The following ZNF398 variants were observed in gnomAD, a reference collection of about 807,000 sequenced individuals.
The protein encoded by ZNF398 is zinc finger DNA binding protein ZER6.
A neutral mutation model predicts 41.9 loss-of-function variants in ZNF398; 18 were observed. That is an observed-to-expected ratio of 0.43 (90% CI 0.30 to 0.64). The LOEUF is 0.64. Among genes scored for constraint, ZNF398 ranks in the 30% least tolerant of loss-of-function variants. ZNF398 has a pLI of 0.14. For synonymous variants in ZNF398, 260 were observed against 308.8 expected, an observed-to-expected ratio of 0.84 and a Z score of 1.66; for missense variants, 669 against 822.8, an observed-to-expected ratio of 0.81 and a Z score of 2.29.
At chr7:149,173,091 C>CTTT (rs1795382614) in intron 4 of ZNF398, among the ~76,000 whole-genome samples, 1 of 67,184 alleles carries the variant, frequency 1.5e-5, no homozygotes, top group African/African-American at 5.3e-5. Context: ...GTGGCAATTT[C>CTTT]TATTTTTTTT....
chr7:149,155,953 C>T (rs1244363520), intron 2 of ZNF398, among the ~76,000 whole-genome samples: 2 of 151,654 alleles, frequency 1.3e-5, no homozygotes, highest in Non-Finnish European at 2.9e-5. Context: ...GTCTTGATCT[C>T]CTGACCTCGT....
At chr7:149,164,849 A>T (rs924763790) in intron 2 of ZNF398, among the ~76,000 whole-genome samples, 2 of 152,060 alleles carry the variant, frequency 1.3e-5, no homozygotes, top group Non-Finnish European at 2.9e-5. Context: ...TAATCCCAGC[A>T]CTTTGGGAGG....
At chr7:149,145,972 G>A (rs545201435), upstream of ZNF398, among the ~76,000 whole-genome samples, 1 of 105,366 alleles carries the variant, frequency 9.5e-6, no homozygotes, top group East Asian at 3.9e-4. Flanking sequence ...TTAAGATGGA[G>A]TCTAGCTCTG....
intron 4 of ZNF398, among the ~76,000 whole-genome samples, chr7:149,173,562 A>T (rs1795396025): frequency 6.6e-6 from 1 of 152,084 alleles, no homozygotes; most frequent in Non-Finnish European, 1.5e-5. Context: ...TTTTACAGGG[A>T]TGAAAACAAC....
chr7:149,143,562 C>G (rs1455839638), upstream of ZNF398, among the ~76,000 whole-genome samples: 1 of 152,156 alleles, frequency 6.6e-6, no homozygotes, highest in Non-Finnish European at 1.5e-5. Flanking sequence ...GCCTGTAATC[C>G]CAGCACTCTG....
chr7:149,168,905 G>A (rs929138941), intron 4 of ZNF398, among the ~76,000 whole-genome samples: 6 of 152,086 alleles, frequency 3.9e-5, no homozygotes, highest in South Asian at 4.1e-4. Flanking sequence ...AGTGTAACAC[G>A]TTGCATTTTA....
In ZNF398 at chr7:149,162,982, T is replaced by A. The variant is rs564182118; in HGVS notation, c.421-3176T>A. ...CAGAGCGAGAGTCTGTCTCAAAAAA[T>A]ATATATATATTCATTCAGAGGCTGA... On this transcript the variant is annotated intron_variant, in intron 2 of 5. Coordinates refer to ENST00000475153, the MANE Select transcript of ZNF398 (RefSeq NM_170686.3). Among the ~76,000 whole-genome samples the A allele has an allele frequency of 5.9e-5, 9 of 151,794 alleles. No homozygotes were observed. In the South Asian group the frequency reaches 6.3e-4, roughly 11 times the overall value.
chr7:149,166,195 C>T lies in ZNF398; in HGVS notation c.458C>T (p.Ser153Phe). 2 of 1,614,096 alleles carry T rather than the reference C, an allele frequency of 1.2e-6. No homozygotes were observed. Among genetic ancestry groups the T allele is most frequent in the Non-Finnish European group, 1.7e-6 (2 of 1,179,994 alleles). ...VAFDDVSIYF[S>F]TPEWEKLEEW... ...TTTGATGATGTCTCCATCTACTTTT[C>T]CACTCCAGAGTGGGAAAAATTAGAA... Residue 153 changes from serine (S) to phenylalanine (F), a missense_variant, in exon 3 of 6, where the codon TCC (serine) becomes TTC (phenylalanine). Coordinates refer to ENST00000475153, the MANE Select transcript of ZNF398 (RefSeq NM_170686.3).
At position 149,148,863 on chromosome 7, in the gene ZNF398, C is replaced by CTTTTTTTTTTTTTTTTTTTTT. The variant is rs59895177; in HGVS notation, c.24+1105_24+1125dup. Among the ~76,000 whole-genome samples the CTTTTTTTTTTTTTTTTTTTTT allele has an allele frequency of 1.6e-4, 10 of 63,282 alleles. 3 individuals are homozygous for CTTTTTTTTTTTTTTTTTTTTT. Among genetic ancestry groups the CTTTTTTTTTTTTTTTTTTTTT allele is most frequent in the African/African-American group, 4.1e-4 (6 of 14,464 alleles). The allele number at this position is 63,282 out of a possible 152,430, so 41.5% of individuals were successfully genotyped here. A position where few individuals can be genotyped will look rare whatever the true frequency, so the allele number is the denominator to read the frequency against. Reference sequence around the variant, plus strand: ...TTTATGCACGGACCTTTTTCTTTGTCTTTTTTTTTTTTTTTTTTTTTTTTT... The same window carrying CTTTTTTTTTTTTTTTTTTTTT: ...TTTATGCACGGACCTTTTTCTTTGTCTTTTTTTTTTTTTTTTTTTTTTTTTTTTTTTTTTTTTTTTTTTTTT... On this transcript the variant is annotated intron_variant, in intron 1 of 5. Coordinates refer to ENST00000475153, the MANE Select transcript of ZNF398 (RefSeq NM_170686.3).
rs1401461140 is a variant in ZNF398 at position 149,167,008 on chromosome 7, A to AGG, written c.661+81_661+82dup. On this transcript the variant is annotated intron_variant, in intron 4 of 5. Coordinates refer to ENST00000475153, the MANE Select transcript of ZNF398 (RefSeq NM_170686.3). ...GGTGGCTCAGAGCTAAGCAGGGCTT[A>AGG]GGGGCTTCTAGAGCCATTCATTGCT... 7 of 959,760 alleles carry AGG rather than the reference A, an allele frequency of 7.3e-6. No individual in the cohort carries two copies. The Admixed American group carries it at 8.0e-5, about 11-fold the overall frequency. The allele number at this position is 959,760 out of a possible 1,614,324, so 59.5% of individuals were successfully genotyped here.
chr7:149,172,693 A>G (rs545693865), intron 4 of ZNF398, among the ~76,000 whole-genome samples: 1 of 152,348 alleles, frequency 6.6e-6, no homozygotes, highest in South Asian at 2.1e-4. Flanking sequence ...GTTGCACCTC[A>G]AACTGCAAAA....
rs1299813771 is a variant in ZNF398 at position 149,153,999 on chromosome 7, A to G, written c.79A>G (p.Thr27Ala). 1.2e-6 allele frequency: 2 copies of G among 1,613,626 alleles called. No homozygotes were observed. Among genetic ancestry groups the G allele is most frequent in the Non-Finnish European group, 1.7e-6 (2 of 1,179,922 alleles). Residue 27 changes from threonine (T) to alanine (A), a missense_variant, in exon 2 of 6, where the codon ACA (threonine) becomes GCA (alanine). Thr to Ala is a moderately conservative substitution (Grantham distance 58). Transcript: ENST00000475153. ...ATCCCTGCAGCCCCTTCCTCTTCCT[A>G]CACCCCCAGCAGCAAATGAGGCACA... is the stretch of plus-strand genomic sequence containing the variant. ...LTSLQPLPLP[T>A]PPAANEAHLQ...
upstream of ZNF398, among the ~76,000 whole-genome samples, chr7:149,145,126 G>A (rs1826906092): frequency 6.6e-6 from 1 of 152,126 alleles, no homozygotes; most frequent in Admixed American, 6.6e-5. Context: ...TGCCCCAACA[G>A]GATAGTTCTC....
At chr7:149,141,758 T>C (rs894999544) in intron 2 of ZNF398, among the ~76,000 whole-genome samples, 1 of 151,068 alleles carries the variant, frequency 6.6e-6, no homozygotes, top group Non-Finnish European at 1.5e-5. Context: ...CCGGCCTAAT[T>C]TTTGTATTTT....
intron 1 of ZNF398, among the ~76,000 whole-genome samples, chr7:149,127,625 G>A (rs1826513821): frequency 6.6e-6 from 1 of 151,482 alleles, no homozygotes; most frequent in Admixed American, 6.6e-5. Context: ...GCTGAGTCGG[G>A]AGAGTGGCGT....
chr7:149,141,233 AAAAGAG>A (rs1156434460), intron 2 of ZNF398, among the ~76,000 whole-genome samples: 3 of 151,962 alleles, frequency 2.0e-5, no homozygotes, highest in African/African-American at 7.2e-5. Context: ...AGTATGAAGA[AAAAGAG>A]AAAGTTTAGA....
At chr7:149,151,746 A>G (rs900272466) in intron 1 of ZNF398, among the ~76,000 whole-genome samples, 20 of 151,164 alleles carry the variant, frequency 1.3e-4, no homozygotes, top group African/African-American at 4.6e-4. Context: ...ATGCAAGCCT[A>G]TTTATTTATT....
At chr7:149,139,036 G>T (rs1050505493) in intron 2 of ZNF398, among the ~76,000 whole-genome samples, 1 of 151,772 alleles carries the variant, frequency 6.6e-6, no homozygotes, top group African/African-American at 2.4e-5. Context: ...TCAGCCTCCA[G>T]AGTAGCTGGG....
chr7:149,129,566 C>G (rs145060701), intron 2 of ZNF398, among the ~76,000 whole-genome samples: 115 of 151,574 alleles, frequency 7.6e-4, no homozygotes, highest in African/African-American at 2.5e-3. Flanking sequence ...TTCTAGTAGA[C>G]ACAGGGTTTC....
Sources: allele counts gnomAD v4.1 joint callset (sites outside exome capture counted in the v4.1 genomes callset), GRCh38; gene constraint gnomAD v4.1.1; transcripts MANE v1.5; gene names NCBI Gene and HGNC (gene_info 2026-07-23, HGNC 2026-07-21).